ASPH: variants seen among roughly 807,000 people sequenced by gnomAD.
ASPH encodes the protein aspartyl/asparaginyl beta-hydroxylase.
A neutral mutation model predicts 118.4 loss-of-function variants in ASPH; 100 were observed. The ratio of observed to expected loss-of-function variants is 0.84; its 90% CI spans 0.72 to 1.00. ASPH has a LOEUF of 1.00. ASPH is among the 50% of genes least tolerant of loss of function. ASPH has a pLI of 0.00. For synonymous variants in ASPH, 315 were observed against 325.6 expected (o/e 0.97, Z 0.35); for missense variants, 920 against 919.5 (o/e 1.00, Z -0.01).
chr8:61,663,660 T>C (rs1818056883), intron 3 of ASPH: 1 of 984,536 alleles, frequency 1.0e-6, no homozygotes. Context: ...GGCAAAATCC[T>C]GACTAATCAA....
At position 61,568,132 on chromosome 8, in the gene ASPH, G is replaced by A. The variant is rs1832363836; in HGVS notation, c.1150-814C>T. On this transcript the variant is annotated intron_variant, in intron 16 of 24. Coordinates refer to ENST00000379454, the MANE Select transcript of ASPH (RefSeq NM_004318.4). The stretch of plus-strand genomic sequence containing the variant: ...ACAATTCTAGTACACAAAGTGAGAC[G>A]GGAAGACAATGGGGGCTTTTGAAAT... Among the ~76,000 whole-genome samples, 3 of 152,142 alleles carry A rather than the reference G, an allele frequency of 2.0e-5. No homozygotes were observed. In the South Asian group the frequency reaches 6.2e-4, roughly 32 times the overall value.
At chr8:61,709,964 T>A (rs1837685805) in intron 1 of ASPH, among the ~76,000 whole-genome samples, 1 of 152,116 alleles carries the variant, frequency 6.6e-6, no homozygotes, top group Admixed American at 6.5e-5. Context: ...AACACAAAGA[T>A]GCTATGGAAC....
chr8:61,714,446 C>T lies in ASPH; in HGVS notation c.-75G>A. 7.4e-7 allele frequency: 1 copy of T among 1,359,676 alleles called. No homozygotes were observed. Among genetic ancestry groups the T allele is most frequent in the Non-Finnish European group, 9.5e-7 (1 of 1,056,480 alleles). 84.2% of individuals were successfully genotyped at this position (1,359,676 alleles called of 1,614,324 possible). A position where few individuals can be genotyped will look rare whatever the true frequency, so the allele number is the denominator to read the frequency against. ...CGGGGGTACACACGCGACGCGGGAA[C>T]CGCTGGCGGCGGCGGGCCGCTGGAG... On this transcript the variant is annotated 5_prime_UTR_variant, in exon 1 of 25. Coordinates refer to ENST00000379454, the MANE Select transcript of ASPH (RefSeq NM_004318.4).
At chr8:61,503,657 T>G (rs1469781175) in intron 24 of ASPH, 148 bp from the exon 25 acceptor site, 1 of 735,310 alleles carries the variant, frequency 1.4e-6, no homozygotes. Context: ...AAGTTTATTC[T>G]TCCCTTGATG....
rs1044634143 is a variant in ASPH, at chr8:61,689,525, A to G, written c.104-5337T>C. 7.7e-5 allele frequency: 52 copies of G among 677,152 alleles called. 2 individuals are homozygous for G. The African/African-American group carries it at 8.9e-4, about 12-fold the overall frequency. 41.9% of individuals were successfully genotyped at this position (677,152 alleles called of 1,614,324 possible). ...AAATATTCAGCTACTATGAAAAGTC[A>G]GTATCTCCAGGAGTTCAAAATAGAA... is the stretch of plus-strand genomic sequence containing the variant. On this transcript the variant is annotated intron_variant, in intron 1 of 24. Coordinates refer to ENST00000379454, the MANE Select transcript of ASPH (RefSeq NM_004318.4).
Position 61,512,389 on chromosome 8 carries a change from A to G in ASPH, c.2126+5139T>C, listed in dbSNP as rs557350222. Among the ~76,000 whole-genome samples, 7 of 152,322 alleles carry G rather than the reference A, an allele frequency of 4.6e-5. No individual in the cohort carries two copies. In the South Asian group the frequency reaches 1.5e-3, roughly 32 times the overall value. Reference sequence around the variant, plus strand: ...AAAAGAGGAGAAGACTCAGGGAGAAAGCAATGTGAACACAGAGGCAGGGAC... The same window carrying G: ...AAAAGAGGAGAAGACTCAGGGAGAAGGCAATGTGAACACAGAGGCAGGGAC... On this transcript the variant is annotated intron_variant, in intron 24 of 24. Coordinates refer to ENST00000379454, the MANE Select transcript of ASPH (RefSeq NM_004318.4).
At chr8:61,688,245 A>G (rs1342422367) in intron 1 of ASPH, among the ~76,000 whole-genome samples, 2 of 152,126 alleles carry the variant, frequency 1.3e-5, no homozygotes, top group Non-Finnish European at 2.9e-5. Flanking sequence ...TTCATGTTCA[A>G]CCTGTAGTTC....
chr8:61,622,124 G>C (rs2150547073), intron 13 of ASPH, among the ~76,000 whole-genome samples: 1 of 152,306 alleles, frequency 6.6e-6, no homozygotes, highest in Admixed American at 6.5e-5. Flanking sequence ...CAGATCACAA[G>C]GTCAAGAGAT....
intron 16 of ASPH, among the ~76,000 whole-genome samples, chr8:61,573,928 G>T (rs78837892): frequency 0.53 from 81,037 of 151,972 alleles, 25,635 homozygotes; most frequent in Non-Finnish European, 0.7. Flanking sequence ...CAGAATGGGA[G>T]AAAATTTTTG....
rs1434825118 is a variant in ASPH at position 61,518,077 on chromosome 8, G to T, written c.1947C>A (p.Thr649=). The T allele has an allele frequency of 1.1e-5, 18 of 1,613,698 alleles. No homozygotes were observed. The highest frequency in any genetic ancestry group is 1.5e-5 in the Non-Finnish European group (18 of 1,179,894). The change falls in exon 23 of 25, where the codon ACC becomes ACA. Residue 649 remains threonine, a synonymous_variant. Coordinates refer to ENST00000379454, the MANE Select transcript of ASPH (RefSeq NM_004318.4). ...TTGTCTCGGGGAACTTTTCTAGTAA[G>T]GTACAGGTTTTAGGAGCTCCTTTGC... ...NACKGAPKTC[T]LLEKFPETTG... is the part of the protein sequence containing the mutation.
rs903169689 is a variant in ASPH at position 61,540,638 on chromosome 8, G to C, written c.1764+7433C>G. On this transcript the variant is annotated intron_variant, in intron 21 of 24. Transcript: ENST00000379454. ...ATTTCTTTATAGCGATGCAAGAATG[G>C]ACTATTTCAGTTTAATGCTAACATA... 5.3e-5 allele frequency among the ~76,000 whole-genome samples: 8 copies of C among 152,300 alleles called. No individual in the cohort carries two copies. The East Asian group carries it at 1.5e-3, about 29-fold the overall frequency.
intron 15 of ASPH, among the ~76,000 whole-genome samples, chr8:61,581,104 T>C (rs1319123457): frequency 6.6e-6 from 1 of 152,186 alleles, no homozygotes; most frequent in African/African-American, 2.4e-5. Flanking sequence ...GTTAAAATAA[T>C]GGGATATTTT....
chr8:61,536,071 A>G lies in ASPH; in HGVS notation c.1765-9959T>C, dbSNP rs562946497. ...TTTTTTTTTTTGAGACAAGAGTCTCACTCTGTCACCCAGGCTGGAGTGTAG... is the reference window on the plus strand; with the variant it reads ...TTTTTTTTTTTGAGACAAGAGTCTCGCTCTGTCACCCAGGCTGGAGTGTAG... On this transcript the variant is annotated intron_variant, in intron 21 of 24. Coordinates refer to ENST00000379454, the MANE Select transcript of ASPH (RefSeq NM_004318.4). Among the ~76,000 whole-genome samples the G allele has an allele frequency of 9.7e-5, 13 of 134,478 alleles. No homozygotes were observed. In the East Asian group the frequency reaches 2.9e-3, roughly 30 times the overall value. 88.2% of individuals were successfully genotyped at this position (134,478 alleles called of 152,430 possible).
Position 61,714,537 on chromosome 8 carries a change from A to G in ASPH, c.-166T>C. The G allele has an allele frequency of 9.4e-7, 1 of 1,065,370 alleles. No homozygotes were observed. Among genetic ancestry groups the G allele is most frequent in the Non-Finnish European group, 1.2e-6 (1 of 823,060 alleles). 66.0% of individuals were successfully genotyped at this position (1,065,370 alleles called of 1,614,324 possible). A position where few individuals can be genotyped will look rare whatever the true frequency, so the allele number is the denominator to read the frequency against. On this transcript the variant is annotated 5_prime_UTR_variant, in exon 1 of 25. Transcript: ENST00000379454. ...AGCACCGCCTGCAGCACCTGGGAAGACTTCACCCGCCTGCCGGCTGCGCGC... is the reference window on the plus strand; with the variant it reads ...AGCACCGCCTGCAGCACCTGGGAAGGCTTCACCCGCCTGCCGGCTGCGCGC...
chr8:61,616,310 A>G (rs941861703), intron 14 of ASPH, among the ~76,000 whole-genome samples: 7 of 152,198 alleles, frequency 4.6e-5, no homozygotes, highest in African/African-American at 7.2e-5. Flanking sequence ...TGCTAAGACT[A>G]GAATGGGAGG....
At chr8:61,612,527 C>T (rs1468428613) in intron 14 of ASPH, among the ~76,000 whole-genome samples, 1 of 152,016 alleles carries the variant, frequency 6.6e-6, no homozygotes, top group Admixed American at 6.6e-5. Flanking sequence ...GCACACACCA[C>T]CACCTGGCTA....
In ASPH at chr8:61,643,419, C is replaced by T. The variant is rs750074460; in HGVS notation, c.724G>A (p.Val242Ile). The change falls in exon 9 of 25, where the codon GTA becomes ATA. Residue 242 changes from valine to isoleucine, a missense_variant. Transcript: ENST00000379454. The part of the protein sequence containing the change: ...EQENPDSSEP[V>I]VEDERLHHDT... ...TGGTGCAATCTTTCATCTTCTACTA[C>T]TGGTTCACTGGAATCTAAAAAACAA... 4 of 1,604,562 alleles carry T rather than the reference C, an allele frequency of 2.5e-6. No individual in the cohort carries two copies. Among genetic ancestry groups the T allele is most frequent in the Non-Finnish European group, 2.5e-6 (3 of 1,179,538 alleles).
At chr8:61,644,148 T>C in intron 7 of ASPH, 147 bp from the exon 8 acceptor site, 2 of 687,440 alleles carry the variant, frequency 2.9e-6, no homozygotes, top group South Asian at 1.8e-5. Context: ...CTGAAACAAA[T>C]AGGTATTAAG....
chr8:61,659,045 G>C (rs981419982), intron 3 of ASPH: 1 of 152,504 alleles, frequency 6.6e-6, no homozygotes, highest in Non-Finnish European at 1.5e-5. Context: ...GTGCAGAGGT[G>C]ATGACTGGGC....
Sources: gnomAD v4.1 joint callset for allele counts (sites outside exome capture counted in the v4.1 genomes callset) on GRCh38, gnomAD v4.1.1 for gene constraint, MANE v1.5 for transcripts, NCBI Gene and HGNC (gene_info 2026-07-23, HGNC 2026-07-21) for gene names.